LRP1B: variants seen among roughly 807,000 people sequenced by gnomAD.
LRP1B encodes the protein LDL receptor related protein 1B.
A neutral mutation model predicts 556.6 loss-of-function variants in LRP1B; 217 were observed. The observed-to-expected ratio is 0.39, with a 90% CI of 0.35 to 0.44. LRP1B has a LOEUF of 0.44. Among genes scored for constraint, LRP1B ranks in the 20% least tolerant of loss-of-function variants. The probability of loss-of-function intolerance (pLI) is 1.00; values close to 1 mark genes in which losing one functional copy is unlikely to be tolerated. For synonymous variants in LRP1B, 2,047 were observed against 1,865.8 expected (o/e 1.10, Z -2.50); for missense variants, 5,053 against 5,620.8 (o/e 0.90, Z 3.23).
chr2:142,127,144 A>T (rs1707682335), intron 1 of LRP1B, among the ~76,000 whole-genome samples: 1 of 151,916 alleles, frequency 6.6e-6, no homozygotes, highest in Non-Finnish European at 1.5e-5. Context: ...TAGCACAGTT[A>T]ATATTTAATT....
chr2:140,401,675 T>C (rs564613425), intron 66 of LRP1B, among the ~76,000 whole-genome samples: 13 of 152,322 alleles, frequency 8.5e-5, no homozygotes, highest in African/African-American at 2.4e-4. Flanking sequence ...CTGGGCAACA[T>C]AGAGCAAGCT....
At chr2:140,285,366 T>C (rs1264307599) in intron 84 of LRP1B, among the ~76,000 whole-genome samples, 1 of 150,748 alleles carries the variant, frequency 6.6e-6, no homozygotes, top group African/African-American at 2.4e-5. Context: ...TATATACACA[T>C]ACATATATAT....
chr2:140,924,397 A>G (rs1694828008), intron 20 of LRP1B, among the ~76,000 whole-genome samples: 1 of 152,162 alleles, frequency 6.6e-6, no homozygotes, highest in Admixed American at 6.6e-5. Flanking sequence ...TATAATATAA[A>G]TGGTTTAGTT....
chr2:141,605,626 C>T (rs1253687800), intron 2 of LRP1B, among the ~76,000 whole-genome samples: 1 of 152,160 alleles, frequency 6.6e-6, no homozygotes, highest in Non-Finnish European at 1.5e-5. Flanking sequence ...ATTACATGAT[C>T]CACTGGGCTC....
chr2:141,741,698 C>T lies in LRP1B; in HGVS notation c.205+68581G>A, dbSNP rs1949011. Among the ~76,000 whole-genome samples the T allele has an allele frequency of 2.0e-5, 3 of 151,868 alleles. No individual in the cohort carries two copies. In the South Asian group the frequency reaches 6.2e-4, roughly 31 times the overall value. On this transcript the variant is annotated intron_variant, in intron 2 of 90. Transcript: ENST00000389484. ...CCTTACATATTCTGGTTATTAATCT[C>T]GTCAGATGGGTAGTTTGCCAATAAT...
chr2:140,872,838 A>G (rs1693181406), intron 25 of LRP1B, among the ~76,000 whole-genome samples: 2 of 151,990 alleles, frequency 1.3e-5, no homozygotes, highest in Non-Finnish European at 1.5e-5. Context: ...ATGAATCTGA[A>G]AGTCTAAGAC....
intron 41 of LRP1B, among the ~76,000 whole-genome samples, chr2:140,619,844 A>T (rs1218868898): frequency 2.6e-5 from 4 of 152,202 alleles, no homozygotes; most frequent in African/African-American, 4.8e-5. Flanking sequence ...TAAATATTTC[A>T]TATAAGTAAA....
At chr2:140,393,653 C>CAATA (rs528045484) in intron 66 of LRP1B, among the ~76,000 whole-genome samples, 136 of 151,058 alleles carry the variant, frequency 9.0e-4, no homozygotes, top group South Asian at 4.2e-3. Context: ...TGTTGGTTAC[C>CAATA]AATAAATAAA....
At chr2:141,150,923 C>T (rs1701908464) in intron 7 of LRP1B, among the ~76,000 whole-genome samples, 1 of 93,714 alleles carries the variant, frequency 1.1e-5, no homozygotes, top group South Asian at 3.3e-4. Context: ...GTTTGCCATG[C>T]TATTTTAACT....
chr2:141,000,795 T>C (rs1697397174), intron 15 of LRP1B, among the ~76,000 whole-genome samples: 2 of 152,222 alleles, frequency 1.3e-5, no homozygotes, highest in South Asian at 4.1e-4. Context: ...TAATTCTTTT[T>C]GTTTTTACTT....
intron 1 of LRP1B, among the ~76,000 whole-genome samples, chr2:141,952,145 C>G (rs1475463995): frequency 6.6e-6 from 1 of 151,432 alleles, no homozygotes; most frequent in Admixed American, 6.6e-5. Flanking sequence ...ATGATGGTTT[C>G]CAGCTTCATC....
rs1553518973 is a variant in LRP1B at position 141,471,268 on chromosome 2, A to ATGTTTTTTTTTTTTTTTTTTTT, written c.343+9127_343+9128insAAAAAAAAAAAAAAAAAAAACA. Reference sequence around the variant, plus strand: ...AATACTATTGAGAATATACCCTGGTATTTTTTTTTTTTTTTTTTTTTTTTT... The same window carrying ATGTTTTTTTTTTTTTTTTTTTT: ...AATACTATTGAGAATATACCCTGGTATGTTTTTTTTTTTTTTTTTTTTTTTTTTTTTTTTTTTTTTTTTTTTT... On this transcript the variant is annotated intron_variant, in intron 3 of 90. Coordinates refer to ENST00000389484, the MANE Select transcript of LRP1B (RefSeq NM_018557.3). Among the ~76,000 whole-genome samples the ATGTTTTTTTTTTTTTTTTTTTT allele has an allele frequency of 9.4e-5, 3 of 31,902 alleles. 1 individual carries two copies. 20.9% of individuals were successfully genotyped at this position (31,902 alleles called of 152,430 possible).
chr2:140,252,061 G>GAA (rs1681443872), intron 86 of LRP1B, among the ~76,000 whole-genome samples: 1 of 446 alleles, frequency 2.2e-3, no homozygotes, highest in Non-Finnish European at 4.8e-3. Flanking sequence ...ATGACAAGAT[G>GAA]CAAAAAAAAA....
In LRP1B at chr2:140,842,606, CT is replaced by C. The variant is rs565024821; in HGVS notation, c.4940-1515del. Among the ~76,000 whole-genome samples the C allele has an allele frequency of 5.6e-3, 814 of 145,772 alleles. 8 individuals carry two copies. Among genetic ancestry groups the C allele is most frequent in the African/African-American group, 0.017 (668 of 40,108 alleles). On this transcript the variant is annotated intron_variant, in intron 29 of 90. Coordinates refer to ENST00000389484, the MANE Select transcript of LRP1B (RefSeq NM_018557.3). ...TTTAGTTATCCTCAACCAATTTCATCTTTTTTTTTTTAGACAAAAGTAATAT... is the reference window on the plus strand; with the variant it reads ...TTTAGTTATCCTCAACCAATTTCATCTTTTTTTTTTAGACAAAAGTAATAT...
chr2:140,742,130 A>T (rs540248998), intron 35 of LRP1B, among the ~76,000 whole-genome samples: 44 of 152,356 alleles, frequency 2.9e-4, no homozygotes, highest in African/African-American at 9.9e-4. Flanking sequence ...AAATCCACAA[A>T]GTAAAGTAAG....
At chr2:140,481,394 C>G (rs1478533342) in intron 59 of LRP1B, among the ~76,000 whole-genome samples, 2 of 151,902 alleles carry the variant, frequency 1.3e-5, no homozygotes, top group Non-Finnish European at 2.9e-5. Flanking sequence ...TATTTTATCA[C>G]CTAAACAATT....
chr2:141,165,653 G>C (rs761836896), intron 7 of LRP1B, among the ~76,000 whole-genome samples: 2 of 151,782 alleles, frequency 1.3e-5, no homozygotes, highest in Admixed American at 1.3e-4. Flanking sequence ...TTACTAATCA[G>C]TTAAAGTATA....
chr2:141,882,475 T>C (rs1400002073), intron 1 of LRP1B, among the ~76,000 whole-genome samples: 2 of 152,186 alleles, frequency 1.3e-5, no homozygotes, highest in African/African-American at 4.8e-5. Flanking sequence ...GGGTTTGTTG[T>C]ATCAGAGTCC....
At chr2:141,565,703 T>C (rs999182927) in intron 2 of LRP1B, among the ~76,000 whole-genome samples, 5 of 152,222 alleles carry the variant, frequency 3.3e-5, no homozygotes, top group African/African-American at 7.2e-5. Flanking sequence ...TGGCAAAATA[T>C]ATCAGTTCAA....
Sources: allele counts gnomAD v4.1 joint callset (sites outside exome capture counted in the v4.1 genomes callset), GRCh38; gene constraint gnomAD v4.1.1; transcripts MANE v1.5; gene names NCBI Gene and HGNC (gene_info 2026-07-23, HGNC 2026-07-21).